The following KCNIP4 variants were observed in gnomAD, a reference collection of about 807,000 sequenced individuals.
KCNIP4 encodes the protein potassium voltage-gated channel interacting protein 4.
In KCNIP4, 12 loss-of-function variants were observed where a neutral mutation model predicts 34.0. The ratio of observed to expected loss-of-function variants is 0.35; its 90% CI spans 0.23 to 0.57. The LOEUF (loss-of-function observed/expected upper bound fraction) is 0.57. Among genes scored for constraint, KCNIP4 ranks in the 20% least tolerant of loss-of-function variants. KCNIP4 has a pLI of 0.83. For synonymous variants in KCNIP4, 124 were observed against 102.2 expected, an observed-to-expected ratio of 1.21 and a Z score of -1.29; for missense variants, 238 against 311.7, an observed-to-expected ratio of 0.76 and a Z score of 1.78.
chr4:21,364,707 G>C (rs528990775), intron 1 of KCNIP4, among the ~76,000 whole-genome samples: 18 of 152,088 alleles, frequency 1.2e-4, no homozygotes, highest in African/African-American at 4.1e-4. Context: ...GAAATTTCAA[G>C]AGCCATATAA....
intron 3 of KCNIP4, among the ~76,000 whole-genome samples, chr4:20,777,318 C>T (rs1286533565): frequency 1.3e-5 from 2 of 152,108 alleles, no homozygotes; most frequent in East Asian, 3.9e-4. Flanking sequence ...GCAACTGCCC[C>T]CATGATTCAA....
At chr4:21,799,015 A>G (rs1221205672) in intron 1 of KCNIP4, among the ~76,000 whole-genome samples, 1 of 152,006 alleles carries the variant, frequency 6.6e-6, no homozygotes, top group Non-Finnish European at 1.5e-5. Context: ...CAATTTTTAC[A>G]TAACAGTCCA....
intron 1 of KCNIP4, among the ~76,000 whole-genome samples, chr4:21,104,446 T>C (rs1577696920): frequency 1.3e-5 from 2 of 152,116 alleles, no homozygotes; most frequent in South Asian, 2.1e-4. Flanking sequence ...GGGTTGTTTG[T>C]TTTTTTCTTG....
At chr4:21,400,035 C>G (rs1281350404) in intron 1 of KCNIP4, among the ~76,000 whole-genome samples, 3 of 152,076 alleles carry the variant, frequency 2.0e-5, no homozygotes, top group Admixed American at 2.0e-4. Context: ...AGCTGGTGTT[C>G]CAAATCCCTT....
intron 1 of KCNIP4, among the ~76,000 whole-genome samples, chr4:21,369,229 A>G (rs1345422477): frequency 6.8e-6 from 1 of 147,392 alleles, no homozygotes; most frequent in Non-Finnish European, 1.5e-5. Flanking sequence ...TACAAAATTA[A>G]CACTAAATAA....
chr4:20,864,113 C>T (rs1444721773), intron 2 of KCNIP4, among the ~76,000 whole-genome samples: 4,475 of 136,634 alleles, frequency 0.033, 285 homozygotes, highest in Non-Finnish European at 0.049. Context: ...TGTATGTATA[C>T]ATATCCATGT....
chr4:20,798,936 C>T (rs75108518), intron 3 of KCNIP4, among the ~76,000 whole-genome samples: 1,577 of 152,296 alleles, frequency 0.01, 31 homozygotes, highest in African/African-American at 0.036. Flanking sequence ...CCCACTGCCC[C>T]CTGTCCCCTA....
intron 1 of KCNIP4, among the ~76,000 whole-genome samples, chr4:21,722,871 C>T (rs1714920465): frequency 6.6e-6 from 1 of 152,064 alleles, no homozygotes. Flanking sequence ...ACTATTGCGA[C>T]TATATATGCA....
At chr4:21,382,948 TA>T (rs1721654395) in intron 1 of KCNIP4, among the ~76,000 whole-genome samples, 1 of 152,204 alleles carries the variant, frequency 6.6e-6, no homozygotes, top group Non-Finnish European at 1.5e-5. Context: ...TAACTGCCAG[TA>T]CCTCAGAATA....
rs143575094 is a variant in KCNIP4, at chr4:21,683,874, C to T, written c.61+264697G>A. On this transcript the variant is annotated intron_variant, in intron 1 of 8. Transcript: ENST00000382152. ...ATACCTGTGGTGCATACACATTGTC[C>T]CAGTTACTCGAGACTGTACGTGTTC... 1.7e-3 allele frequency among the ~76,000 whole-genome samples: 265 copies of T among 152,120 alleles called. 1 individual carries two copies. The highest frequency in any genetic ancestry group is 6.2e-3 in the African/African-American group (258 of 41,500).
At chr4:21,501,248 TCA>T (rs34406802) in intron 1 of KCNIP4, among the ~76,000 whole-genome samples, 1,820 of 104,070 alleles carry the variant, frequency 0.017, 41 homozygotes, top group African/African-American at 0.055. Context: ...TCTCTCTCTC[TCA>T]CACACACACA....
At chr4:20,865,130 A>C (rs1722737599) in intron 2 of KCNIP4, among the ~76,000 whole-genome samples, 1 of 152,114 alleles carries the variant, frequency 6.6e-6, no homozygotes, top group Non-Finnish European at 1.5e-5. Context: ...GTTGGAAGAA[A>C]GGATGTAACT....
intron 6 of KCNIP4, 55 bp from the exon 7 acceptor site, chr4:20,732,840 C>A: frequency 9.5e-7 from 1 of 1,052,456 alleles, no homozygotes; most frequent in South Asian, 1.4e-5. Flanking sequence ...AGAAACCAGT[C>A]TAAGAAGCTC....
intron 1 of KCNIP4, among the ~76,000 whole-genome samples, chr4:21,027,865 T>C (rs1207759831): frequency 2.0e-5 from 3 of 152,188 alleles, no homozygotes; most frequent in African/African-American, 7.2e-5. Context: ...CTCATGGCTC[T>C]AAATAATTTA....
chr4:21,062,353 A>C (rs928381001), intron 1 of KCNIP4, among the ~76,000 whole-genome samples: 1 of 152,126 alleles, frequency 6.6e-6, no homozygotes, highest in Non-Finnish European at 1.5e-5. Flanking sequence ...TCACATGCTG[A>C]AGTCCTAGCC....
At chr4:21,271,991 A>T (rs534121095) in intron 1 of KCNIP4, among the ~76,000 whole-genome samples, 53 of 152,308 alleles carry the variant, frequency 3.5e-4, no homozygotes, top group Admixed American at 7.2e-4. Flanking sequence ...AAAAATTGTC[A>T]TTACTTAGAA....
intron 1 of KCNIP4, among the ~76,000 whole-genome samples, chr4:21,763,891 C>T (rs539411879): frequency 6.6e-6 from 1 of 151,924 alleles, no homozygotes; most frequent in African/African-American, 2.4e-5. Context: ...AAAAAGGAAC[C>T]CTCAGCCAAC....
intron 1 of KCNIP4, among the ~76,000 whole-genome samples, chr4:21,780,851 T>G (rs1308440966): frequency 6.6e-6 from 1 of 152,196 alleles, no homozygotes; most frequent in Non-Finnish European, 1.5e-5. Context: ...CTGAAGCTGC[T>G]AGGGGAGAAT....
intron 1 of KCNIP4, among the ~76,000 whole-genome samples, chr4:21,766,192 G>A (rs1160022877): frequency 6.6e-6 from 1 of 152,122 alleles, no homozygotes; most frequent in African/African-American, 2.4e-5. Flanking sequence ...TAACAAATGT[G>A]AGAAAGTAAT....
Sources: gnomAD v4.1 joint callset for allele counts (sites outside exome capture counted in the v4.1 genomes callset) on GRCh38, gnomAD v4.1.1 for gene constraint, MANE v1.5 for transcripts, NCBI Gene and HGNC (gene_info 2026-07-23, HGNC 2026-07-21) for gene names.